The following RAB38 variants were observed in gnomAD, a reference collection of about 807,000 sequenced individuals.
RAB38 encodes the protein ras-related protein Rab-38.
A neutral mutation model predicts 18.4 loss-of-function variants in RAB38; 15 were observed. The ratio of observed to expected loss-of-function variants is 0.82; its 90% CI spans 0.55 to 1.26. RAB38 has a LOEUF of 1.26. RAB38 is among the 50% of genes most tolerant of loss of function. The pLI is 0.00. For missense variants in RAB38, 294 were observed against 267.4 expected, an observed-to-expected ratio of 1.10 and a Z score of -0.69; for synonymous variants, 101 against 104.4, an observed-to-expected ratio of 0.97 and a Z score of 0.20.
At chr11:88,050,546 T>C in the RAB38 span, among the ~76,000 whole-genome samples, 1 of 152,240 alleles carries the variant, frequency 6.6e-6, no homozygotes, top group Non-Finnish European at 1.5e-5. Flanking sequence ...AAGAGTGTAT[T>C]GTATAATTCC....
At chr11:88,145,027 T>C (rs530017306) in intron 2 of RAB38, among the ~76,000 whole-genome samples, 25 of 152,262 alleles carry the variant, frequency 1.6e-4, no homozygotes, top group African/African-American at 6.0e-4. Flanking sequence ...GCATCACGGC[T>C]AGATCGGCGT....
the RAB38 span, among the ~76,000 whole-genome samples, chr11:88,030,146 A>C: frequency 1.3e-5 from 2 of 152,188 alleles, no homozygotes; most frequent in African/African-American, 4.8e-5. Flanking sequence ...ACATAACGAA[A>C]TGAAGGCAGA....
the RAB38 span, among the ~76,000 whole-genome samples, chr11:88,029,662 T>C: frequency 6.6e-6 from 1 of 152,112 alleles, no homozygotes; most frequent in Non-Finnish European, 1.5e-5. Context: ...AAGGCATCAA[T>C]TCAACAAGAA....
the RAB38 span, among the ~76,000 whole-genome samples, chr11:87,917,232 T>C: frequency 6.6e-6 from 1 of 151,762 alleles, no homozygotes; most frequent in African/African-American, 2.4e-5. Flanking sequence ...GTGCGTGGGG[T>C]ATTGTGGGGG....
the RAB38 span, among the ~76,000 whole-genome samples, chr11:87,898,351 T>A: frequency 6.6e-6 from 1 of 151,638 alleles, no homozygotes; most frequent in Non-Finnish European, 1.5e-5. Context: ...GCTGTAGCCT[T>A]CCTCAGATCC....
chr11:87,919,039 G>T, the RAB38 span, among the ~76,000 whole-genome samples: 1 of 151,968 alleles, frequency 6.6e-6, no homozygotes, highest in Admixed American at 6.6e-5. Flanking sequence ...TTTTATAAGT[G>T]GTGAGGGATA....
At chr11:88,105,462 C>A in the RAB38 span, among the ~76,000 whole-genome samples, 1 of 152,094 alleles carries the variant, frequency 6.6e-6, no homozygotes, top group Non-Finnish European at 1.5e-5. Context: ...TGAACAACAA[C>A]AAAACCAAAG....
chr11:88,120,709 T>A (rs189011124), intron 2 of RAB38, among the ~76,000 whole-genome samples: 4 of 152,240 alleles, frequency 2.6e-5, no homozygotes, highest in Admixed American at 6.5e-5. Context: ...TACCTCAGCC[T>A]CTGTCCTTTA....
At chr11:88,030,375 A>G in the RAB38 span, among the ~76,000 whole-genome samples, 16 of 152,164 alleles carry the variant, frequency 1.1e-4, no homozygotes, top group Non-Finnish European at 2.2e-4. Flanking sequence ...AAATAACTAA[A>G]ATCAGAGCAG....
the RAB38 span, among the ~76,000 whole-genome samples, chr11:87,926,084 C>G: frequency 6.6e-6 from 1 of 151,692 alleles, no homozygotes; most frequent in South Asian, 2.1e-4. Flanking sequence ...TGTTAATGGC[C>G]TATGCTTGAG....
the RAB38 span, among the ~76,000 whole-genome samples, chr11:87,940,014 TAAAATAAATTGAAAAA>T: frequency 6.6e-6 from 1 of 151,470 alleles, no homozygotes; most frequent in African/African-American, 2.4e-5. Flanking sequence ...CAAAAGGGAA[TAAAATAAATTGAAAAA>T]CCAGAAAAAC....
At chr11:87,829,366 T>C in the RAB38 span, among the ~76,000 whole-genome samples, 1 of 152,208 alleles carries the variant, frequency 6.6e-6, no homozygotes, top group African/African-American at 2.4e-5. Context: ...CATTTCTAGC[T>C]ATAAATTACC....
the RAB38 span, among the ~76,000 whole-genome samples, chr11:87,877,697 G>T: frequency 1.3e-5 from 2 of 151,470 alleles, no homozygotes; most frequent in African/African-American, 4.8e-5. Flanking sequence ...TATAACACTA[G>T]CCCTCCTAGC....
chr11:87,892,767 T>C, the RAB38 span, among the ~76,000 whole-genome samples: 1 of 151,972 alleles, frequency 6.6e-6, no homozygotes, highest in Admixed American at 6.6e-5. Context: ...GTACTGTTTC[T>C]TTCAAGAAAG....
At chr11:88,064,708 C>A in the RAB38 span, among the ~76,000 whole-genome samples, 2 of 152,190 alleles carry the variant, frequency 1.3e-5, no homozygotes, top group African/African-American at 4.8e-5. Flanking sequence ...ACAACAATGT[C>A]ATATAATATG....
At chr11:87,956,819 T>C in the RAB38 span, among the ~76,000 whole-genome samples, 3 of 152,062 alleles carry the variant, frequency 2.0e-5, no homozygotes, top group Non-Finnish European at 4.4e-5. Context: ...GAAGGAATGA[T>C]ACACAGAGAA....
the RAB38 span, among the ~76,000 whole-genome samples, chr11:87,929,652 G>A: frequency 7.3e-5 from 11 of 151,228 alleles, no homozygotes; most frequent in East Asian, 5.9e-4. Flanking sequence ...CCATGTTGGT[G>A]TGCTGCACCC....
chr11:88,175,317 G>A lies in RAB38; in HGVS notation c.68C>T (p.Thr23Ile). ...GTGCACGTAGCGCTTGATGATACTG[G>A]TCTTCCCCACGCCCAGGTCGCCAAT... ...LVIGDLGVGK[T>I]SIIKRYVHQN... The change falls in exon 1 of 3, where the codon ACC (threonine) becomes ATC (isoleucine). Residue 23 changes from threonine (T) to isoleucine (I), a missense_variant. Coordinates refer to ENST00000243662, the MANE Select transcript of RAB38 (RefSeq NM_022337.3). 1 of 1,614,216 alleles carries A rather than the reference G, an allele frequency of 6.2e-7. No homozygotes were observed. The highest frequency in any genetic ancestry group is 2.2e-5 in the East Asian group (1 of 44,882).
the RAB38 span, among the ~76,000 whole-genome samples, chr11:87,939,750 G>C: frequency 1.3e-5 from 2 of 152,072 alleles, no homozygotes; most frequent in Non-Finnish European, 2.9e-5. Flanking sequence ...AAATTAGTTA[G>C]GCATGGTGGC....
Sources: allele counts gnomAD v4.1 joint callset (sites outside exome capture counted in the v4.1 genomes callset), GRCh38; gene constraint gnomAD v4.1.1; transcripts MANE v1.5; gene names NCBI Gene and HGNC (gene_info 2026-07-23, HGNC 2026-07-21).